TOM1L2: variants seen among roughly 807,000 people sequenced by gnomAD.
TOM1L2 encodes target of myb1 like 2 membrane trafficking protein.
In TOM1L2, 31 loss-of-function variants were observed where a neutral mutation model predicts 67.9. The observed-to-expected ratio is 0.46, with a 90% CI of 0.34 to 0.62. TOM1L2 has a LOEUF of 0.62. Among genes scored for constraint, TOM1L2 ranks in the 20% least tolerant of loss-of-function variants. The pLI, the probability that TOM1L2 is intolerant of heterozygous loss-of-function variation, is 0.01. For synonymous variants in TOM1L2, 256 were observed against 254.0 expected, an observed-to-expected ratio of 1.01 and a Z score of -0.07; for missense variants, 606 against 663.5, an observed-to-expected ratio of 0.91 and a Z score of 0.95.
At chr17:17,890,972 G>A (rs893422788) in intron 4 of TOM1L2, among the ~76,000 whole-genome samples, 6 of 152,306 alleles carry the variant, frequency 3.9e-5, no homozygotes, top group Admixed American at 2.0e-4. Flanking sequence ...CTGGGCAGCC[G>A]TTACCAAAGG....
chr17:17,896,510 T>C (rs73979217), intron 3 of TOM1L2, among the ~76,000 whole-genome samples: 2,693 of 152,244 alleles, frequency 0.018, 87 homozygotes, highest in African/African-American at 0.062. Flanking sequence ...GTCTTGGAAG[T>C]GCCCTGGACA....
chr17:17,858,359 A>G (rs2036365152), intron 12 of TOM1L2: 1 of 153,016 alleles, frequency 6.5e-6, no homozygotes, highest in Admixed American at 6.5e-5. Flanking sequence ...ACTGGTCTCA[A>G]AAACTCCTGG....
intron 7 of TOM1L2, 87 bp from the exon 8 acceptor site, chr17:17,869,560 TAA>T (rs2037047307): frequency 1.9e-5 from 28 of 1,478,380 alleles, no homozygotes; most frequent in Non-Finnish European, 2.4e-5. Flanking sequence ...TACTGATTCT[TAA>T]AAGTCACAAA....
intron 13 of TOM1L2, among the ~76,000 whole-genome samples, chr17:17,850,262 A>C (rs562837702): frequency 2.0e-5 from 3 of 152,284 alleles, no homozygotes; most frequent in Non-Finnish European, 4.4e-5. Flanking sequence ...GAACAGAGGG[A>C]GGGGCCAGCA....
chr17:17,969,238 G>C (rs1425868034), intron 1 of TOM1L2, among the ~76,000 whole-genome samples: 4 of 151,946 alleles, frequency 2.6e-5, no homozygotes, highest in African/African-American at 9.7e-5. Context: ...TGTATTACTA[G>C]TAGAGACAGG....
chr17:17,921,856 T>C (rs1299171120), intron 1 of TOM1L2, among the ~76,000 whole-genome samples: 1 of 151,798 alleles, frequency 6.6e-6, no homozygotes, highest in East Asian at 1.9e-4. Context: ...CCAGGGGCTG[T>C]TCCCCTCGCC....
chr17:17,909,222 C>G (rs939269631), intron 1 of TOM1L2, among the ~76,000 whole-genome samples: 2 of 152,004 alleles, frequency 1.3e-5, no homozygotes, highest in African/African-American at 2.4e-5. Flanking sequence ...ATAGCATTAC[C>G]CTATGATCTA....
At chr17:17,932,830 A>G (rs964990444) in intron 1 of TOM1L2, among the ~76,000 whole-genome samples, 4 of 152,216 alleles carry the variant, frequency 2.6e-5, no homozygotes, top group African/African-American at 9.6e-5. Context: ...ATATAGCTAC[A>G]TGAGTCCCAT....
At chr17:17,861,637 T>C in intron 11 of TOM1L2, 86 bp from the exon 12 acceptor site, 2 of 1,149,014 alleles carry the variant, frequency 1.7e-6, no homozygotes, top group Non-Finnish European at 2.6e-6. Flanking sequence ...ATCACTTCTA[T>C]CCTATGGTCC....
In TOM1L2 at chr17:17,860,493, G is replaced by A. The variant is rs141092559; in HGVS notation, c.1278+983C>T. On this transcript the variant is annotated intron_variant, in intron 12 of 14. Transcript: ENST00000379504. ...CCCTTCCCCCAAGAAGGAGCATCCC[G>A]TGGAAACCAGCACTGCTGCCTGCCT... Among the ~76,000 whole-genome samples the A allele has an allele frequency of 1.6e-4, 24 of 152,350 alleles. 1 individual carries two copies. The East Asian group carries it at 4.1e-3, about 26-fold the overall frequency.
intron 1 of TOM1L2, among the ~76,000 whole-genome samples, chr17:17,912,547 G>A (rs1365664971): frequency 1.3e-5 from 2 of 151,528 alleles, no homozygotes; most frequent in East Asian, 1.9e-4. Flanking sequence ...CATCCCAGAC[G>A]GGGCGGCGGG....
At chr17:17,901,182 C>CG (rs1349959650) in intron 2 of TOM1L2, among the ~76,000 whole-genome samples, 1 of 152,108 alleles carries the variant, frequency 6.6e-6, no homozygotes, top group Non-Finnish European at 1.5e-5. Flanking sequence ...TCTCTCTCCC[C>CG]GGGGGAAAAG....
At chr17:17,914,485 C>A (rs2039544363) in intron 1 of TOM1L2, among the ~76,000 whole-genome samples, 1 of 152,184 alleles carries the variant, frequency 6.6e-6, no homozygotes. Context: ...ACTCTCTTTC[C>A]CACATGCATG....
chr17:17,954,892 G>C (rs1021711367), intron 1 of TOM1L2, among the ~76,000 whole-genome samples: 1 of 152,142 alleles, frequency 6.6e-6, no homozygotes, highest in Non-Finnish European at 1.5e-5. Flanking sequence ...TACGCTCTAA[G>C]GCCAAGAGAG....
chr17:17,854,709 T>C (rs1172664079), intron 12 of TOM1L2, among the ~76,000 whole-genome samples: 2 of 151,504 alleles, frequency 1.3e-5, no homozygotes, highest in Admixed American at 1.3e-4. Flanking sequence ...TTTTTTTGTA[T>C]TTTTAGTAGA....
intron 12 of TOM1L2, 144 bp downstream of exon 12, chr17:17,861,332 G>A (rs1598199873): frequency 1.5e-6 from 1 of 667,184 alleles, no homozygotes; most frequent in East Asian, 2.7e-5. Flanking sequence ...GGGTTCCACG[G>A]GGTGTCCCCC....
At chr17:17,879,480 A>G in intron 7 of TOM1L2, 147 bp downstream of exon 7, 1 of 612,412 alleles carries the variant, frequency 1.6e-6, no homozygotes, top group Non-Finnish European at 3.0e-6. Flanking sequence ...AGGCAACGTG[A>G]GGCTGCATGT....
chr17:17,855,458 C>G (rs945667717), intron 12 of TOM1L2, among the ~76,000 whole-genome samples: 11 of 152,192 alleles, frequency 7.2e-5, no homozygotes, highest in African/African-American at 2.7e-4. Context: ...ACACCCCTAG[C>G]TGATCACCAG....
At chr17:17,942,817 T>C (rs573323113) in intron 1 of TOM1L2, among the ~76,000 whole-genome samples, 5 of 152,232 alleles carry the variant, frequency 3.3e-5, no homozygotes, top group Non-Finnish European at 7.3e-5. Flanking sequence ...GAAAGGCTTT[T>C]GCCAGCTTTA....
Sources: gnomAD v4.1 joint callset for allele counts (sites outside exome capture counted in the v4.1 genomes callset) on GRCh38, gnomAD v4.1.1 for gene constraint, MANE v1.5 for transcripts, NCBI Gene and HGNC (gene_info 2026-07-23, HGNC 2026-07-21) for gene names.